Variants in PDE6B observed in about 807,000 individuals in gnomAD.
The protein encoded by PDE6B is phosphodiesterase 6B, also known as rod cGMP-specific 3',5'-cyclic phosphodiesterase subunit beta.
In PDE6B, 106 loss-of-function variants were observed where a neutral mutation model predicts 109.0. The observed-to-expected ratio is 0.97, with a 90% CI of 0.83 to 1.14. The LOEUF is 1.14. Ranked by LOEUF, PDE6B falls within the 50% of genes most tolerant of loss-of-function variation. The pLI is 0.00. For synonymous variants in PDE6B, 490 were observed against 471.3 expected (o/e 1.04, Z -0.51); for missense variants, 1,193 against 1,155.6 (o/e 1.03, Z -0.47).
chr4:664,402 A>T (rs1410094306), intron 17 of PDE6B, among the ~76,000 whole-genome samples, 181 bp downstream of exon 17: 1 of 152,078 alleles, frequency 6.6e-6, no homozygotes, highest in Non-Finnish European at 1.5e-5. Context: ...TCTCAGGGAG[A>T]TGGTGCAGAG....
Position 662,647 on chromosome 4 carries a change from T to C in PDE6B, c.1832+29T>C. On this transcript the variant is annotated intron_variant, in intron 14 of 21. Coordinates refer to ENST00000496514, the MANE Select transcript of PDE6B (RefSeq NM_000283.4). The surrounding 1 kb of genome is among the most constrained non-coding windows in gnomAD (Gnocchi z 4.3). ...GGCACCTCAGGGCGGGCATGTGAATTAGCCCTAAATCAACTCCACGCCCTT... is the reference window on the plus strand; with the variant it reads ...GGCACCTCAGGGCGGGCATGTGAATCAGCCCTAAATCAACTCCACGCCCTT... The C allele has an allele frequency of 7.4e-7, 1 of 1,346,758 alleles. No homozygotes were observed. Among genetic ancestry groups the C allele is most frequent in the Non-Finnish European group, 1.1e-6 (1 of 936,476 alleles). The allele number at this position is 1,346,758 out of a possible 1,614,324, so 83.4% of individuals were successfully genotyped here.
In PDE6B at chr4:658,938, G is replaced by A. The variant is rs781181140; in HGVS notation, c.1402-14G>A. 1 of 1,603,070 alleles carries A rather than the reference G, an allele frequency of 6.2e-7. No homozygotes were observed. Among genetic ancestry groups the A allele is most frequent in the Non-Finnish European group, 8.5e-7 (1 of 1,170,368 alleles). ...CGAAGCTCTTTCTCGTGACACATCTGTGTCTCTGTGTAGCCAACCAGAGCG... is the reference window on the plus strand; with the variant it reads ...CGAAGCTCTTTCTCGTGACACATCTATGTCTCTGTGTAGCCAACCAGAGCG... On this transcript the variant is annotated splice_polypyrimidine_tract_variant and intron_variant, in intron 10 of 21. Transcript: ENST00000496514.
chr4:644,945 G>C (rs1018047471), intron 3 of PDE6B, among the ~76,000 whole-genome samples: 1 of 152,048 alleles, frequency 6.6e-6, no homozygotes, highest in Non-Finnish European at 1.5e-5. Flanking sequence ...TCTCCTTACA[G>C]CTCCATCAGC....
At chr4:659,304 G>A (rs962767487) in intron 11 of PDE6B, among the ~76,000 whole-genome samples, 3 of 152,190 alleles carry the variant, frequency 2.0e-5, no homozygotes, top group African/African-American at 4.8e-5. Context: ...TCTCCTCTGT[G>A]CTTTGCCAGA....
intron 1 of PDE6B, among the ~76,000 whole-genome samples, chr4:627,142 G>A (rs1286898761): frequency 4.0e-5 from 6 of 150,504 alleles, no homozygotes; most frequent in African/African-American, 9.8e-5. Context: ...GTTTGTTTTC[G>A]TTTGTGGGTT....
At chr4:646,881 A>G (rs1409829963) in intron 3 of PDE6B, among the ~76,000 whole-genome samples, 1 of 149,424 alleles carries the variant, frequency 6.7e-6, no homozygotes, top group African/African-American at 2.5e-5. Context: ...TTTTTGAGAC[A>G]TTGTCTTGCT....
Position 633,957 on chromosome 4 carries a change from G to A in PDE6B, c.469-720G>A, listed in dbSNP as rs997304782. Among the ~76,000 whole-genome samples, 1 of 152,000 alleles carries A rather than the reference G, an allele frequency of 6.6e-6. No homozygotes were observed. The highest frequency in any genetic ancestry group is 2.4e-5 in the African/African-American group (1 of 41,412). ...AGGGGCCGGAACCTAAGAGCCAAGA[G>A]AGGAGGGGCTGCTCTAAATCTGGTG... On this transcript the variant is annotated intron_variant, in intron 1 of 21. Coordinates refer to ENST00000496514, the MANE Select transcript of PDE6B (RefSeq NM_000283.4). This position sits in a 1 kb window ranked among gnomAD's most constrained non-coding sequence, Gnocchi z 4.5.
chr4:660,590 C>T lies in PDE6B; in HGVS notation c.1591C>T (p.Arg531Ter), dbSNP rs121918580. ...GATGTACTACGAGCTGGGCGTGGTCCGAAAGTTCCAGATCCCCCAGGAGGT... is the reference window on the plus strand; with the variant it reads ...GATGTACTACGAGCTGGGCGTGGTCTGAAAGTTCCAGATCCCCCAGGAGGT... ...IQMYYELGVVRKFQIPQEVLV... is the reference protein window; with the variant it reads ...IQMYYELGVV The change falls in exon 12 of 22, where the codon CGA becomes TGA. Residue 531 changes from arginine to a stop codon, truncating the protein, a stop_gained. Transcript: ENST00000496514. LOFTEE classifies it high-confidence loss of function. The T allele has an allele frequency of 6.2e-6, 10 of 1,613,712 alleles. No individual in the cohort carries two copies. Among genetic ancestry groups the T allele is most frequent in the African/African-American group, 2.7e-5 (2 of 75,000 alleles).
chr4:669,342 C>CG lies in PDE6B; in HGVS notation c.2504-704_2504-703insG, dbSNP rs1485874412. Reference sequence around the variant, plus strand: ...TATTCCCGCTACCCCATGCTATTCCCCTACCCCATGCTATTCCCACTACCC... The same window carrying CG: ...TATTCCCGCTACCCCATGCTATTCCCGCTACCCCATGCTATTCCCACTACCC... On this transcript the variant is annotated intron_variant, in intron 21 of 21. Coordinates refer to ENST00000496514, the MANE Select transcript of PDE6B (RefSeq NM_000283.4). Among the ~76,000 whole-genome samples the CG allele has an allele frequency of 3.1e-3, 375 of 120,442 alleles. 4 individuals are homozygous for CG. The highest frequency in any genetic ancestry group is 3.9e-3 in the African/African-American group (106 of 27,464). 79.0% of individuals were successfully genotyped at this position (120,442 alleles called of 152,430 possible).
rs369501371 is a variant in PDE6B, at chr4:625,637, G to T, written c.11G>T (p.Ser4Ile). The change falls in exon 1 of 22, where the codon AGT becomes ATT. Residue 4 changes from serine (S) to isoleucine (I), a missense_variant. Transcript: ENST00000496514. The surrounding 1 kb of genome is among the most constrained non-coding windows in gnomAD (Gnocchi z 5.0). ...GGACAGGCAGCCACCATGAGCCTCA[G>T]TGAGGAGCAGGCCCGGAGCTTTCTG... MSL[S>I]EEQARSFLDQ... 9 of 1,612,878 alleles carry T rather than the reference G, an allele frequency of 5.6e-6. No individual in the cohort carries two copies. The highest frequency in any genetic ancestry group is 6.8e-6 in the Non-Finnish European group (8 of 1,178,912).
At chr4:655,156 C>G (rs528320324) in intron 6 of PDE6B, 6 of 543,004 alleles carry the variant, frequency 1.1e-5, no homozygotes, top group Non-Finnish European at 2.0e-5. Context: ...AGTGGACATA[C>G]AGGGGACCAG....
At chr4:658,571 G>C (rs912979125) in intron 10 of PDE6B, among the ~76,000 whole-genome samples, 1 of 152,214 alleles carries the variant, frequency 6.6e-6, no homozygotes, top group East Asian at 1.9e-4. Context: ...GTGGGGACAC[G>C]GCCCTGGGGC....
At position 626,811 on chromosome 4, in the gene PDE6B, G is replaced by A. The variant is rs1734129177; in HGVS notation, c.468+717G>A. Among the ~76,000 whole-genome samples, 1 of 152,230 alleles carries A rather than the reference G, an allele frequency of 6.6e-6. No individual in the cohort carries two copies. The highest frequency in any genetic ancestry group is 6.5e-5 in the Admixed American group (1 of 15,288). On this transcript the variant is annotated intron_variant, in intron 1 of 21. Coordinates refer to ENST00000496514, the MANE Select transcript of PDE6B (RefSeq NM_000283.4). This position sits in a 1 kb window ranked among gnomAD's most constrained non-coding sequence, Gnocchi z 4.6. Reference sequence around the variant, plus strand: ...GCTTCCCGAGGACAGAGGCGGTCCTGGCGGGACTGGAGAACAAGAGGGGTG... The same window carrying A: ...GCTTCCCGAGGACAGAGGCGGTCCTAGCGGGACTGGAGAACAAGAGGGGTG...
At chr4:631,505 A>T (rs995303898) in intron 1 of PDE6B, among the ~76,000 whole-genome samples, 3 of 149,484 alleles carry the variant, frequency 2.0e-5, no homozygotes, top group African/African-American at 7.5e-5. Context: ...AGGTCATGTT[A>T]TGTGGATCTG....
Position 665,116 on chromosome 4 carries a change from G to A in PDE6B, c.2194-139G>A. On this transcript the variant is annotated intron_variant, in intron 18 of 21. Coordinates refer to ENST00000496514, the MANE Select transcript of PDE6B (RefSeq NM_000283.4). The surrounding 1 kb of genome is among the most constrained non-coding windows in gnomAD (Gnocchi z 4.0). The stretch of plus-strand genomic sequence containing the variant: ...GGGGGTACTGCAGTGTGTCTACATG[G>A]CTCAACCGGAGCCCTGTGTGGTGGG... The A allele has an allele frequency of 1.2e-6, 1 of 815,590 alleles. No individual in the cohort carries two copies. The highest frequency in any genetic ancestry group is 2.1e-6 in the Non-Finnish European group (1 of 473,160). The allele number at this position is 815,590 out of a possible 1,614,324, so 50.5% of individuals were successfully genotyped here.
chr4:630,958 G>A (rs886326078), intron 1 of PDE6B, among the ~76,000 whole-genome samples: 2 of 152,192 alleles, frequency 1.3e-5, no homozygotes, highest in African/African-American at 4.8e-5. Flanking sequence ...GGTAACGGCA[G>A]CCCACCTCAG....
chr4:654,091 C>T lies in PDE6B; in HGVS notation c.864C>T (p.Asp288=), dbSNP rs139475997. The T allele has an allele frequency of 6.8e-6, 11 of 1,613,876 alleles. No homozygotes were observed. Among genetic ancestry groups the T allele is most frequent in the African/African-American group, 4.0e-5 (3 of 75,056 alleles). The change falls in exon 5 of 22, where the codon GAC becomes GAT. Residue 288 remains aspartate (D), a synonymous_variant. Transcript: ENST00000496514. ...LDMTKEKEFF[D]VWSVLMGESQ... is the part of the protein sequence containing the mutation. ...TCTTCTCTGCCCAGGAATTTTTTGA[C>T]GTGTGGTCTGTGCTGATGGGAGAGT... is the stretch of plus-strand genomic sequence containing the variant.
At chr4:667,319 C>T (rs555866026) in intron 20 of PDE6B, among the ~76,000 whole-genome samples, 5 of 152,322 alleles carry the variant, frequency 3.3e-5, no homozygotes, top group South Asian at 2.1e-4. Flanking sequence ...CTACCCACCC[C>T]GGGTCGTCAG....
intron 6 of PDE6B, 175 bp from the exon 7 acceptor site, chr4:655,763 CCT>C: frequency 1.5e-6 from 1 of 671,474 alleles, no homozygotes; most frequent in South Asian, 1.6e-5. Context: ...CAGCCTGGCC[CCT>C]CTGACCCCTG....
Sources: allele counts gnomAD v4.1 joint callset (sites outside exome capture counted in the v4.1 genomes callset), GRCh38; gene constraint gnomAD v4.1.1; non-coding constraint Gnocchi (gnomAD v3.1); transcripts MANE v1.5; gene names NCBI Gene and HGNC (gene_info 2026-07-23, HGNC 2026-07-21).